Variants in RSPRY1 observed in about 807,000 individuals in gnomAD.
The protein encoded by RSPRY1 is RING finger and SPRY domain-containing protein 1.
RSPRY1 carries 23 observed loss-of-function variants against 73.1 expected under a neutral mutation model. That is an observed-to-expected ratio of 0.31 (90% CI 0.23 to 0.45). The LOEUF (loss-of-function observed/expected upper bound fraction) is 0.45. Ranked by LOEUF, RSPRY1 falls within the 20% of genes least tolerant of loss-of-function variation. RSPRY1 has a pLI of 1.00. For missense variants in RSPRY1, 448 were observed against 698.7 expected, an observed-to-expected ratio of 0.64 and a Z score of 4.05; for synonymous variants, 226 against 251.4, an observed-to-expected ratio of 0.90 and a Z score of 0.95.
intron 1 of RSPRY1, among the ~76,000 whole-genome samples, chr16:57,197,794 G>T (rs192406627): frequency 2.2e-4 from 34 of 152,208 alleles, no homozygotes; most frequent in African/African-American, 7.9e-4. Flanking sequence ...CACCATTAGG[G>T]CTCACTGCAG....
chr16:57,196,306 G>A (rs2074446574), intron 1 of RSPRY1, among the ~76,000 whole-genome samples: 1 of 152,090 alleles, frequency 6.6e-6, no homozygotes, highest in Non-Finnish European at 1.5e-5. Context: ...TGCATTCAAA[G>A]ATAGTCTCAG....
rs58040707 is a variant in RSPRY1 at position 57,232,294 on chromosome 16, A to G, written c.1529+975A>G. 5.3e-3 allele frequency among the ~76,000 whole-genome samples: 806 copies of G among 152,294 alleles called. 8 individuals are homozygous for G. The highest frequency in any genetic ancestry group is 0.019 in the African/African-American group (777 of 41,554). ...TTGGAATCACTGTCTCAGTGGTTCA[A>G]TAGTTTCCAGATGAACTAGAAAATG... is the stretch of plus-strand genomic sequence containing the variant. On this transcript the variant is annotated intron_variant, in intron 13 of 14. Transcript: ENST00000394420.
intron 8 of RSPRY1, chr16:57,219,865 T>C (rs1415130878): frequency 6.6e-6 from 1 of 152,254 alleles, no homozygotes; most frequent in African/African-American, 2.4e-5. Flanking sequence ...AGTTTTATTC[T>C]TTTGCTTATG....
chr16:57,227,414 G>A lies in RSPRY1; in HGVS notation c.1234G>A (p.Ala412Thr), dbSNP rs2075136731. The change falls in exon 11 of 15, where the codon GCC (alanine) becomes ACC (threonine). Residue 412 changes from alanine (A) to threonine (T), a missense_variant. Coordinates refer to ENST00000394420, the MANE Select transcript of RSPRY1 (RefSeq NM_133368.3). The stretch of plus-strand genomic sequence containing the variant: ...CTGCCGGCAGCTGATTTGGTACAAT[G>A]CCAGAAGTAAGCCTCACATACACCC... ...DGCRQLIWYN[A>T]RSKPHIHPCW... is the part of the protein sequence containing the mutation. The A allele has an allele frequency of 6.2e-7, 1 of 1,614,076 alleles. No homozygotes were observed.
At chr16:57,188,671 C>T (rs1465809217) in intron 1 of RSPRY1, among the ~76,000 whole-genome samples, 1 of 152,020 alleles carries the variant, frequency 6.6e-6, no homozygotes, top group East Asian at 1.9e-4. Context: ...CATGTACCAC[C>T]ACGCCCAGCT....
chr16:57,192,309 T>C (rs1157426420), intron 1 of RSPRY1, among the ~76,000 whole-genome samples: 1 of 152,210 alleles, frequency 6.6e-6, no homozygotes, highest in African/African-American at 2.4e-5. Context: ...GAATAACACA[T>C]GATCTCCTAT....
chr16:57,198,397 T>G (rs1941147741), intron 1 of RSPRY1, among the ~76,000 whole-genome samples: 1 of 151,874 alleles, frequency 6.6e-6, no homozygotes, highest in South Asian at 2.1e-4. Context: ...AAAAAAAAAT[T>G]GTACTAAATG....
intron 1 of RSPRY1, among the ~76,000 whole-genome samples, chr16:57,188,088 C>T (rs1050012373): frequency 6.6e-6 from 1 of 152,202 alleles, no homozygotes; most frequent in African/African-American, 2.4e-5. Flanking sequence ...TTTTCCTCCA[C>T]GAATACTATG....
At chr16:57,188,941 C>A (rs1433078068) in intron 1 of RSPRY1, among the ~76,000 whole-genome samples, 3 of 151,042 alleles carry the variant, frequency 2.0e-5, no homozygotes, top group African/African-American at 7.3e-5. Context: ...GTTGCCCTAA[C>A]CTACTATTTA....
At chr16:57,235,792 C>T (rs1210106972) in intron 14 of RSPRY1, among the ~76,000 whole-genome samples, 2 of 152,208 alleles carry the variant, frequency 1.3e-5, no homozygotes, top group African/African-American at 2.4e-5. Context: ...AGCCAGCTAC[C>T]TGTAATTCAT....
At chr16:57,222,754 GA>G (rs1203827703) in intron 10 of RSPRY1, among the ~76,000 whole-genome samples, 1 of 152,212 alleles carries the variant, frequency 6.6e-6, no homozygotes, top group Non-Finnish European at 1.5e-5. Context: ...ATTTGGAAGT[GA>G]AAAATTGTTC....
chr16:57,235,434 A>G (rs1460437949), intron 14 of RSPRY1, among the ~76,000 whole-genome samples: 1 of 152,192 alleles, frequency 6.6e-6, no homozygotes, highest in African/African-American at 2.4e-5. Flanking sequence ...TGTATTTTTG[A>G]TACAATTTTG....
chr16:57,207,211 A>G (rs1314946458), intron 2 of RSPRY1, among the ~76,000 whole-genome samples: 1 of 152,206 alleles, frequency 6.6e-6, no homozygotes, highest in South Asian at 2.1e-4. Flanking sequence ...GCATCAGTCA[A>G]TTATATTGTT....
chr16:57,213,988 A>T, intron 6 of RSPRY1, 42 bp downstream of exon 6: 1 of 1,321,304 alleles, frequency 7.6e-7, no homozygotes, highest in Non-Finnish European at 1.1e-6. Context: ...GTCATCTAGA[A>T]GTGGGCATCA....
At chr16:57,231,127 T>C in intron 12 of RSPRY1, 40 bp from the exon 13 acceptor site, 1 of 1,580,690 alleles carries the variant, frequency 6.3e-7, no homozygotes, top group Non-Finnish European at 8.6e-7. Flanking sequence ...ATTTTGATTT[T>C]TATTAATTCT....
chr16:57,215,926 G>A (rs2074930749), intron 6 of RSPRY1, among the ~76,000 whole-genome samples, 181 bp from the exon 7 acceptor site: 1 of 152,160 alleles, frequency 6.6e-6, no homozygotes, highest in Non-Finnish European at 1.5e-5. Context: ...AAGAGAGCCT[G>A]TCCAGTTCAT....
intron 6 of RSPRY1, among the ~76,000 whole-genome samples, chr16:57,214,723 A>G (rs1815738840): frequency 1.3e-5 from 2 of 152,266 alleles, no homozygotes; most frequent in Admixed American, 6.5e-5. Context: ...CATGGGAGAA[A>G]GTACTTCATC....
intron 14 of RSPRY1, among the ~76,000 whole-genome samples, chr16:57,238,505 G>A (rs1186106445): frequency 1.3e-5 from 2 of 152,164 alleles, no homozygotes; most frequent in African/African-American, 4.8e-5. Context: ...TTTACCATAT[G>A]ACAAAGGCAT....
intron 7 of RSPRY1, among the ~76,000 whole-genome samples, 180 bp from the exon 8 acceptor site, chr16:57,216,724 A>G (rs1043754199): frequency 5.9e-5 from 9 of 152,200 alleles, no homozygotes; most frequent in Admixed American, 2.0e-4. Flanking sequence ...TGTGACTAAA[A>G]AAAAGGAAAA....
Sources: allele counts gnomAD v4.1 joint callset (sites outside exome capture counted in the v4.1 genomes callset), GRCh38; gene constraint gnomAD v4.1.1; transcripts MANE v1.5; gene names NCBI Gene and HGNC (gene_info 2026-07-23, HGNC 2026-07-21).